DAGLB: variants seen among roughly 807,000 people sequenced by gnomAD.
DAGLB encodes diacylglycerol lipase beta.
DAGLB carries 66 observed loss-of-function variants against 72.1 expected under a neutral mutation model. That is an observed-to-expected ratio of 0.92 (90% CI 0.75 to 1.12). The LOEUF is 1.12. DAGLB is among the 50% of genes most tolerant of loss of function. DAGLB has a pLI of 0.00. For missense variants in DAGLB, 1,065 were observed against 884.9 expected (o/e 1.20, Z -2.58); for synonymous variants, 414 against 359.5 (o/e 1.15, Z -1.71).
intron 5 of DAGLB, among the ~76,000 whole-genome samples, 177 bp from the exon 6 acceptor site, chr7:6,430,784 ATT>A (rs780854000): frequency 4.2e-5 from 6 of 141,278 alleles, no homozygotes; most frequent in Admixed American, 7.1e-5. Flanking sequence ...TGGACTCCTC[ATT>A]TTTTTTTTTT....
intron 1 of DAGLB, 114 bp downstream of exon 1, chr7:6,447,634 G>C: frequency 7.1e-7 from 1 of 1,404,642 alleles, no homozygotes; most frequent in East Asian, 2.6e-5. Flanking sequence ...TGCGTGGCCA[G>C]CGCTGGGACC....
chr7:6,443,200 CAAAAAACAA>C (rs1784886655), intron 2 of DAGLB, among the ~76,000 whole-genome samples: 2 of 38,400 alleles, frequency 5.2e-5, no homozygotes, highest in Non-Finnish European at 1.4e-4. Flanking sequence ...AAAAAAAAAA[CAAAAAACAA>C]AAAAAACAAA....
In DAGLB at chr7:6,412,848, C is replaced by T. The variant is rs761734810; in HGVS notation, c.1532G>A (p.Arg511Lys). ...GCAGTGCGCGACCACTCGCAAGATT[C>T]TTCTCTTCAGATCTTCCAAGTTGGT... ...SVTNLEDLKR[R>K]ILRVVAHCNK... The change falls in exon 13 of 15, where the codon AGA (arginine) becomes AAA (lysine). Residue 511 changes from arginine to lysine, a missense_variant. Arg to Lys is a conservative substitution (Grantham distance 26). Coordinates refer to ENST00000297056, the MANE Select transcript of DAGLB (RefSeq NM_139179.4). 5.0e-6 allele frequency: 8 copies of T among 1,603,978 alleles called. No homozygotes were observed. Among genetic ancestry groups the T allele is most frequent in the Non-Finnish European group, 6.8e-6 (8 of 1,174,302 alleles).
intron 7 of DAGLB, among the ~76,000 whole-genome samples, chr7:6,425,071 G>C (rs1395828256): frequency 1.3e-5 from 2 of 152,198 alleles, no homozygotes; most frequent in African/African-American, 4.8e-5. Context: ...GCCTCTCTCT[G>C]ACCTCCCCAG....
chr7:6,425,343 C>A (rs953353905), intron 7 of DAGLB, among the ~76,000 whole-genome samples: 1 of 152,152 alleles, frequency 6.6e-6, no homozygotes, highest in African/African-American at 2.4e-5. Flanking sequence ...GCAATCTCAA[C>A]TCACTGTAAC....
intron 9 of DAGLB, among the ~76,000 whole-genome samples, chr7:6,418,719 C>G (rs1183851575): frequency 1.3e-5 from 2 of 151,312 alleles, no homozygotes; most frequent in Non-Finnish European, 2.9e-5. Flanking sequence ...GGCTGGAGTT[C>G]AGTGGCTCGA....
At chr7:6,419,123 G>A (rs1429169442) in intron 9 of DAGLB, among the ~76,000 whole-genome samples, 1 of 135,786 alleles carries the variant, frequency 7.4e-6, no homozygotes, top group African/African-American at 2.9e-5. Context: ...TCAGGTTCAA[G>A]CGATTCTCCT....
At position 6,445,933 on chromosome 7, in the gene DAGLB, T is replaced by C. The variant is rs1450176547; in HGVS notation, c.247+20A>G. On this transcript the variant is annotated intron_variant, in intron 2 of 14. Transcript: ENST00000297056. ...AAGCTATAAAAAAATAGGTATCAAA[T>C]AGAAAAGGCTACTTTTTACCTCTCA... 1.3e-6 allele frequency: 2 copies of C among 1,570,366 alleles called. No individual in the cohort carries two copies. Among genetic ancestry groups the C allele is most frequent in the Non-Finnish European group, 1.7e-6 (2 of 1,160,184 alleles).
At position 6,446,477 on chromosome 7, in the gene DAGLB, CAAAAAAAAAAAAAAAA is replaced by C. The variant is rs748156438; in HGVS notation, c.96-389_96-374del. On this transcript the variant is annotated intron_variant, in intron 1 of 14. Coordinates refer to ENST00000297056, the MANE Select transcript of DAGLB (RefSeq NM_139179.4). Reference sequence around the variant, plus strand: ...TGGGCAACGATATGAGACTCCGTCTCAAAAAAAAAAAAAAAAAAAAAAAAAAAAAAAAAGAAATAAA... The same window carrying C: ...TGGGCAACGATATGAGACTCCGTCTCAAAAAAAAAAAAAAAAAGAAATAAA... 6.8e-3 allele frequency among the ~76,000 whole-genome samples: 402 copies of C among 58,690 alleles called. 5 individuals are homozygous for C. Among genetic ancestry groups the C allele is most frequent in the Middle Eastern group, 0.031 (1 of 32 alleles). 38.5% of individuals were successfully genotyped at this position (58,690 alleles called of 152,430 possible).
intron 4 of DAGLB, 35 bp downstream of exon 4, chr7:6,434,727 G>A: frequency 6.2e-7 from 1 of 1,610,200 alleles, no homozygotes; most frequent in Non-Finnish European, 8.5e-7. Flanking sequence ...TACTGAAACA[G>A]AAGAAACAGA....
intron 9 of DAGLB, 122 bp downstream of exon 9, chr7:6,421,605 C>T (rs1310666367): frequency 8.5e-6 from 5 of 588,614 alleles, no homozygotes; most frequent in Non-Finnish European, 1.1e-5. Flanking sequence ...GCAGGCAGCG[C>T]GGGAGGCGCA....
At chr7:6,445,465 G>A (rs2115302396) in intron 2 of DAGLB, among the ~76,000 whole-genome samples, 1 of 152,218 alleles carries the variant, frequency 6.6e-6, no homozygotes, top group East Asian at 1.9e-4. Context: ...CTTAGGGTTG[G>A]GAGAGTTTGG....
chr7:6,430,808 G>A (rs538135125), intron 5 of DAGLB, among the ~76,000 whole-genome samples: 1 of 148,864 alleles, frequency 6.7e-6, no homozygotes. Context: ...TTAGAGTCTC[G>A]CTCTGTCACC....
chr7:6,409,535 G>C lies in DAGLB; in HGVS notation c.*302C>G. ...TGGGCCCTGGATTCCCGCACTTCTG[G>C]AGCAGTCCTCAGACAGCCAAGGGAT... On this transcript the variant is annotated 3_prime_UTR_variant, in exon 15 of 15. Coordinates refer to ENST00000297056, the MANE Select transcript of DAGLB (RefSeq NM_139179.4). 2.3e-6 allele frequency: 1 copy of C among 435,980 alleles called. No individual in the cohort carries two copies. The highest frequency in any genetic ancestry group is 2.7e-5 in the South Asian group (1 of 37,200). 27.0% of individuals were successfully genotyped at this position (435,980 alleles called of 1,614,324 possible). A position where few individuals can be genotyped will look rare whatever the true frequency, so the allele number is the denominator to read the frequency against.
chr7:6,439,109 G>C (rs1238255481), intron 2 of DAGLB, among the ~76,000 whole-genome samples: 1 of 151,830 alleles, frequency 6.6e-6, no homozygotes, highest in Non-Finnish European at 1.5e-5. Context: ...TAAAAAATTA[G>C]CCAGGCATGG....
intron 1 of DAGLB, among the ~76,000 whole-genome samples, chr7:6,446,412 A>C (rs1418556446): frequency 2.5e-5 from 3 of 121,370 alleles, no homozygotes; most frequent in Non-Finnish European, 4.8e-5. Context: ...TGGGACGTGG[A>C]GGTGGCAGTG....
In DAGLB at chr7:6,434,743, C is replaced by A. The variant is rs770437360; in HGVS notation, c.678+19G>T. 2 of 1,613,742 alleles carry A rather than the reference C, an allele frequency of 1.2e-6. No individual in the cohort carries two copies. Among genetic ancestry groups the A allele is most frequent in the Non-Finnish European group, 1.7e-6 (2 of 1,179,704 alleles). The stretch of plus-strand genomic sequence containing the variant: ...ACTGAAACAGAAGAAACAGACCAAA[C>A]CAGATCCCCTCGGCTTACTGAAAAG... On this transcript the variant is annotated intron_variant, in intron 4 of 14. Coordinates refer to ENST00000297056, the MANE Select transcript of DAGLB (RefSeq NM_139179.4).
Position 6,413,007 on chromosome 7 carries a change from GCT to G in DAGLB, c.1453_1454del (p.Ser485LeufsTer36). The G allele has an allele frequency of 6.2e-7, 1 of 1,613,872 alleles. No homozygotes were observed. The highest frequency in any genetic ancestry group is 8.5e-7 in the Non-Finnish European group (1 of 1,179,890). ...WSKALQEYSQ[S>X]FIVSLVLGKD... Reference sequence around the variant, plus strand: ...TCCCCAGGACGAGTGACACGATGAAGCTCTGAGAATATTCCTGCAGAGCTTTG... The same window carrying G: ...TCCCCAGGACGAGTGACACGATGAAGCTGAGAATATTCCTGCAGAGCTTTG... On this transcript the variant is annotated frameshift_variant, in exon 12 of 15. Coordinates refer to ENST00000297056, the MANE Select transcript of DAGLB (RefSeq NM_139179.4). LOFTEE classifies it high-confidence loss of function.
At chr7:6,435,220 G>C (rs1485752688) in intron 3 of DAGLB, among the ~76,000 whole-genome samples, 200 bp from the exon 4 acceptor site, 1 of 152,166 alleles carries the variant, frequency 6.6e-6, no homozygotes, top group Non-Finnish European at 1.5e-5. Flanking sequence ...GGGCATGGTG[G>C]CTCACACCTG....
Sources: allele counts gnomAD v4.1 joint callset (sites outside exome capture counted in the v4.1 genomes callset), GRCh38; gene constraint gnomAD v4.1.1; transcripts MANE v1.5; gene names NCBI Gene and HGNC (gene_info 2026-07-23, HGNC 2026-07-21).